DCHS2: variants seen among roughly 807,000 people sequenced by gnomAD.
The protein encoded by DCHS2 is dachsous cadherin-related 2.
DCHS2 carries 142 observed loss-of-function variants against 182.4 expected under a neutral mutation model. The ratio of observed to expected loss-of-function variants is 0.78; its 90% confidence interval spans 0.68 to 0.89. DCHS2 has a LOEUF of 0.89. Among genes scored for constraint, DCHS2 ranks in the 40% least tolerant of loss-of-function variants. The pLI, the probability that DCHS2 is intolerant of heterozygous loss-of-function variation, is 0.00. For synonymous variants in DCHS2, 1,740 were observed against 1,663.3 expected, an observed-to-expected ratio of 1.05 and a Z score of -1.12; for missense variants, 4,319 against 4,198.6, an observed-to-expected ratio of 1.03 and a Z score of -0.79.
intron 16 of DCHS2, among the ~76,000 whole-genome samples, chr4:154,252,321 C>T (rs1732408616): frequency 6.6e-6 from 1 of 152,052 alleles, no homozygotes; most frequent in African/African-American, 2.4e-5. Flanking sequence ...ACAAACAATC[C>T]AAATCTTTTA....
In DCHS2 at chr4:154,232,745, C is replaced by T. The variant is rs1210386162; in HGVS notation, c.*1791G>A. The T allele has an allele frequency of 1.3e-5, 2 of 150,224 alleles. No individual in the cohort carries two copies. The highest frequency in any genetic ancestry group is 3.0e-5 in the Non-Finnish European group (2 of 67,710). The allele number at this position is 150,224 out of a possible 1,614,324, so 9.3% of individuals were successfully genotyped here. A position where few individuals can be genotyped will look rare whatever the true frequency, so the allele number is the denominator to read the frequency against. ...TAAATATGTGTGGGTTTTTTTTTTACATAAGTCATGAAATCTTCTTCCCCA... is the reference window on the plus strand; with the variant it reads ...TAAATATGTGTGGGTTTTTTTTTTATATAAGTCATGAAATCTTCTTCCCCA... On this transcript the variant is annotated 3_prime_UTR_variant, in exon 20 of 20. Transcript: ENST00000357232.
chr4:154,381,445 G>A (rs758411254), intron 1 of DCHS2, among the ~76,000 whole-genome samples: 1 of 151,906 alleles, frequency 6.6e-6, no homozygotes, highest in Non-Finnish European at 1.5e-5. Context: ...CAGAGCAATC[G>A]GGCAACAGAA....
intron 2 of DCHS2, among the ~76,000 whole-genome samples, chr4:154,371,133 A>C (rs1440674521): frequency 6.6e-6 from 1 of 152,110 alleles, no homozygotes; most frequent in Admixed American, 6.6e-5. Flanking sequence ...ATGATGAGGA[A>C]ACTGGTGAAG....
At chr4:154,303,688 T>C (rs1037068558) in intron 12 of DCHS2, among the ~76,000 whole-genome samples, 1 of 152,186 alleles carries the variant, frequency 6.6e-6, no homozygotes, top group Non-Finnish European at 1.5e-5. Flanking sequence ...ACAAGGTTAG[T>C]AGGTGTCCTG....
rs776677739 is a variant in DCHS2 at position 154,236,695 on chromosome 4, T to C, written c.7957A>G (p.Ile2653Val). The C allele has an allele frequency of 2.8e-5, 45 of 1,613,894 alleles. No homozygotes were observed. Among genetic ancestry groups the C allele is most frequent in the Non-Finnish European group, 2.8e-5 (33 of 1,179,968 alleles). Residue 2653 changes from isoleucine (I) to valine (V), a missense_variant, in exon 20 of 20, where the codon ATA becomes GTA. Transcript: ENST00000357232. ...TTGTCATTGACATCAAGTACTTGTA[T>C]TGATATGACAGCTGTGGAACTCAAT... ...PPLSSTAVIS[I>V]QVLDVNDNPP...
intron 3 of DCHS2, among the ~76,000 whole-genome samples, chr4:154,347,264 A>C (rs1176726145): frequency 6.7e-6 from 1 of 149,384 alleles, no homozygotes; most frequent in Non-Finnish European, 1.5e-5. Flanking sequence ...GGCATCCTAG[A>C]TATTTTCCAT....
At chr4:154,339,145 GTAGA>G in intron 3 of DCHS2, among the ~76,000 whole-genome samples, 1 of 152,190 alleles carries the variant, frequency 6.6e-6, no homozygotes, top group Non-Finnish European at 1.5e-5. Flanking sequence ...AGTCAGTGGT[GTAGA>G]TTCTAGTCAG....
intron 1 of DCHS2, among the ~76,000 whole-genome samples, chr4:154,485,112 T>A (rs370086777): frequency 2.2e-5 from 2 of 90,120 alleles, no homozygotes; most frequent in African/African-American, 3.6e-5. Flanking sequence ...GCTTTTTTTT[T>A]TAAATGAACT....
chr4:154,236,200 T>C lies in DCHS2; in HGVS notation c.8452A>G (p.Met2818Val). The change falls in exon 20 of 20, where the codon ATG (methionine) becomes GTG (valine). Residue 2818 changes from methionine (M) to valine (V), a missense_variant. Physicochemically the swap from Met to Val is conservative, Grantham distance 21. Coordinates refer to ENST00000357232, the MANE Select transcript of DCHS2 (RefSeq NM_001358235.2). ...IVSPCFLTHG[M>V]SYDHDLFLID... ...AGGAAGAGATCATGATCATAAGACATTCCATGAGTGAGAAAACAGGGTGAT... is the reference window on the plus strand; with the variant it reads ...AGGAAGAGATCATGATCATAAGACACTCCATGAGTGAGAAAACAGGGTGAT... 1.2e-6 allele frequency: 2 copies of C among 1,613,920 alleles called. No individual in the cohort carries two copies. Among genetic ancestry groups the C allele is most frequent in the South Asian group, 1.1e-5 (1 of 91,088 alleles).
At chr4:154,390,955 G>A (rs1731673505) in intron 1 of DCHS2, among the ~76,000 whole-genome samples, 1 of 152,098 alleles carries the variant, frequency 6.6e-6, no homozygotes, top group South Asian at 2.1e-4. Context: ...AATACTATAT[G>A]TCTATCATAG....
chr4:154,332,455 A>G (rs1424873993), intron 5 of DCHS2, 23 bp downstream of exon 5: 35 of 1,566,840 alleles, frequency 2.2e-5, no homozygotes, highest in Non-Finnish European at 3.0e-5. Flanking sequence ...TTAAAGGAAT[A>G]GGTGGAAACT....
At chr4:154,331,789 T>G in intron 5 of DCHS2, 1 of 1,473,700 alleles carries the variant, frequency 6.8e-7, no homozygotes, top group Non-Finnish European at 9.1e-7. Flanking sequence ...TATCTGAGTT[T>G]CAGTTTTCCC....
chr4:154,351,212 A>G (rs1301232572), intron 3 of DCHS2, among the ~76,000 whole-genome samples: 2 of 152,220 alleles, frequency 1.3e-5, no homozygotes, highest in African/African-American at 2.4e-5. Context: ...AGTGACTCCA[A>G]TAAAGTATGT....
intron 16 of DCHS2, among the ~76,000 whole-genome samples, chr4:154,247,635 CAAAAAAAAAAAA>C (rs67157369): frequency 3.0e-5 from 3 of 100,140 alleles, no homozygotes; most frequent in African/African-American, 8.1e-5. Context: ...GACTCCGTCT[CAAAAAAAAAAAA>C]AAAAAAAAAA....
intron 14 of DCHS2, among the ~76,000 whole-genome samples, chr4:154,260,441 C>A (rs1732936793): frequency 1.3e-5 from 2 of 152,168 alleles, no homozygotes; most frequent in Non-Finnish European, 2.9e-5. Flanking sequence ...TTGTCCCCTG[C>A]ATTAGCCACA....
chr4:154,287,646 A>G (rs1274472386), intron 13 of DCHS2, among the ~76,000 whole-genome samples: 1 of 151,782 alleles, frequency 6.6e-6, no homozygotes, highest in African/African-American at 2.4e-5. Flanking sequence ...TACCTGGCTA[A>G]TTTTTCTATT....
Position 154,338,505 on chromosome 4 carries a change from C to T in DCHS2, c.2477-3401G>A, listed in dbSNP as rs1178815207. ...TTCCTAAAATATTTAAGTGATAATACCCAGAGTTAATAGCAGGTTGTTATT... is the reference window on the plus strand; with the variant it reads ...TTCCTAAAATATTTAAGTGATAATATCCAGAGTTAATAGCAGGTTGTTATT... On this transcript the variant is annotated intron_variant, in intron 3 of 19. Transcript: ENST00000357232. Among the ~76,000 whole-genome samples the T allele has an allele frequency of 2.0e-5, 3 of 152,114 alleles. No individual in the cohort carries two copies. The East Asian group carries it at 5.8e-4, about 29-fold the overall frequency.
At position 154,261,524 on chromosome 4, in the gene DCHS2, T is replaced by C. The variant is rs1245200372; in HGVS notation, c.6578-1768A>G. 2.6e-5 allele frequency among the ~76,000 whole-genome samples: 4 copies of C among 152,198 alleles called. 1 individual carries two copies. In the East Asian group the frequency reaches 7.7e-4, roughly 29 times the overall value. Reference sequence around the variant, plus strand: ...ACTATGGCCTGGGAGCTGCAGTTTTTATTGCTCTATCTGAATCAGCTTCCC... The same window carrying C: ...ACTATGGCCTGGGAGCTGCAGTTTTCATTGCTCTATCTGAATCAGCTTCCC... On this transcript the variant is annotated intron_variant, in intron 14 of 19. Transcript: ENST00000357232.
intron 12 of DCHS2, among the ~76,000 whole-genome samples, chr4:154,299,997 A>G (rs899392300): frequency 7.2e-5 from 11 of 152,220 alleles, no homozygotes; most frequent in Non-Finnish European, 1.5e-5. Flanking sequence ...AGAAATGCTT[A>G]TTGGAAAAAG....
Sources: gnomAD v4.1 joint callset for allele counts (sites outside exome capture counted in the v4.1 genomes callset) on GRCh38, gnomAD v4.1.1 for gene constraint, MANE v1.5 for transcripts, NCBI Gene and HGNC (gene_info 2026-07-23, HGNC 2026-07-21) for gene names.